The following PTPRG variants were observed in gnomAD, a reference collection of about 807,000 sequenced individuals.
PTPRG encodes receptor-type tyrosine-protein phosphatase gamma.
In PTPRG, 102 loss-of-function variants were observed where a neutral mutation model predicts 165.3. The ratio of observed to expected loss-of-function variants is 0.62; its 90% CI spans 0.53 to 0.73. The LOEUF (loss-of-function observed/expected upper bound fraction) is 0.73, where lower values mean the gene tolerates loss of function less well. PTPRG is among the 30% of genes least tolerant of loss of function. PTPRG has a pLI of 0.00. For missense variants in PTPRG, 1,866 were observed against 1,861.4 expected (o/e 1.00, Z -0.05); for synonymous variants, 675 against 669.5 (o/e 1.01, Z -0.13).
At chr3:61,890,414 T>TTTTTG (rs2038179027) in intron 2 of PTPRG, among the ~76,000 whole-genome samples, 2 of 79,792 alleles carry the variant, frequency 2.5e-5, no homozygotes, top group Non-Finnish European at 5.2e-5. Context: ...TGTTCTTTGT[T>TTTTTG]TTTTTTTTGT....
At chr3:61,672,178 C>T (rs1301561855) in intron 1 of PTPRG, among the ~76,000 whole-genome samples, 6 of 140,214 alleles carry the variant, frequency 4.3e-5, no homozygotes, top group African/African-American at 1.3e-4. Flanking sequence ...CGGGAAGAGG[C>T]GCTCCTCACT....
chr3:62,055,403 A>G (rs1700600677), intron 4 of PTPRG, among the ~76,000 whole-genome samples: 1 of 152,234 alleles, frequency 6.6e-6, no homozygotes, highest in African/African-American at 2.4e-5. Context: ...TGAGCTTGTA[A>G]CACGGACTAG....
At chr3:61,699,106 CACATGTAT>C (rs2030793920) in intron 1 of PTPRG, among the ~76,000 whole-genome samples, 1 of 151,960 alleles carries the variant, frequency 6.6e-6, no homozygotes, top group Non-Finnish European at 1.5e-5. Flanking sequence ...AGCAACATGG[CACATGTAT>C]ACATATGTAA....
intron 2 of PTPRG, among the ~76,000 whole-genome samples, chr3:61,790,288 C>A (rs563707914): frequency 6.6e-6 from 1 of 152,172 alleles, no homozygotes; most frequent in Non-Finnish European, 1.5e-5. Flanking sequence ...CGAGTTGTTG[C>A]CTTCTCTTCT....
intron 16 of PTPRG, 103 bp from the exon 17 acceptor site, chr3:62,262,695 G>T: frequency 3.2e-6 from 2 of 618,828 alleles, no homozygotes; most frequent in South Asian, 6.9e-5. Context: ...GAAGGTAACG[G>T]TGGCTGTGGC....
rs542823449 is a variant in PTPRG, at chr3:62,252,181, T to C, written c.2468-2943T>C. Among the ~76,000 whole-genome samples the C allele has an allele frequency of 1.4e-4, 22 of 152,324 alleles. No individual in the cohort carries two copies. Among genetic ancestry groups the C allele is most frequent in the African/African-American group, 5.3e-4 (22 of 41,580 alleles). On this transcript the variant is annotated intron_variant, in intron 15 of 29. Coordinates refer to ENST00000474889, the MANE Select transcript of PTPRG (RefSeq NM_002841.4). This position sits in a 1 kb window ranked among gnomAD's most constrained non-coding sequence, Gnocchi z 4.6. ...AAATCCATCCTTTTAATGGCACTTG[T>C]AGTCTTTATCACATAATTACACTGT...
At position 61,964,143 on chromosome 3, in the gene PTPRG, A is replaced by G. The variant is rs1446803512; in HGVS notation, c.191-25482A>G. 4.6e-5 allele frequency among the ~76,000 whole-genome samples: 7 copies of G among 152,358 alleles called. No homozygotes were observed. The South Asian group carries it at 1.4e-3, about 32-fold the overall frequency. ...GAATTTGCTTCAGAAGGTATAGAGCACAATGGTTAATGTGTTATCTTTTCA... is the reference window on the plus strand; with the variant it reads ...GAATTTGCTTCAGAAGGTATAGAGCGCAATGGTTAATGTGTTATCTTTTCA... On this transcript the variant is annotated intron_variant, in intron 2 of 29. Coordinates refer to ENST00000474889, the MANE Select transcript of PTPRG (RefSeq NM_002841.4).
chr3:61,773,362 C>T (rs890157602), intron 2 of PTPRG, among the ~76,000 whole-genome samples: 16 of 152,162 alleles, frequency 1.1e-4, no homozygotes, highest in South Asian at 1.0e-3. Context: ...GAAAGATAAA[C>T]GCCTAACTAC....
chr3:62,144,923 T>C (rs1480100885), intron 6 of PTPRG, among the ~76,000 whole-genome samples: 1 of 152,124 alleles, frequency 6.6e-6, no homozygotes, highest in Non-Finnish European at 1.5e-5. Flanking sequence ...CTGCCTTGTT[T>C]GTCAATATTT....
intron 17 of PTPRG, among the ~76,000 whole-genome samples, chr3:62,265,896 T>TATATACACACACACAC (rs1553662684): frequency 1.3e-3 from 167 of 130,604 alleles, no homozygotes; most frequent in African/African-American, 3.1e-3. Context: ...GTGCCTTATA[T>TATATACACACACACAC]ACACACACAC....
chr3:61,962,002 T>C (rs886985617), intron 2 of PTPRG, among the ~76,000 whole-genome samples: 2 of 152,178 alleles, frequency 1.3e-5, no homozygotes, highest in Non-Finnish European at 2.9e-5. Flanking sequence ...TACACTGAGT[T>C]AAATTGCCTC....
chr3:62,095,404 A>T (rs112208052), intron 5 of PTPRG, among the ~76,000 whole-genome samples: 3 of 152,174 alleles, frequency 2.0e-5, no homozygotes, highest in African/African-American at 7.2e-5. Context: ...TAGAGGTTAC[A>T]CCAGTAGAGG....
chr3:61,862,421 G>T (rs899948473), intron 2 of PTPRG, among the ~76,000 whole-genome samples: 11 of 129,620 alleles, frequency 8.5e-5, no homozygotes, highest in Non-Finnish European at 1.6e-4. Flanking sequence ...CGCTGTTGTT[G>T]CCCAGGCTGG....
chr3:62,152,287 G>A (rs987490073), intron 6 of PTPRG, among the ~76,000 whole-genome samples: 48 of 151,994 alleles, frequency 3.2e-4, no homozygotes, highest in South Asian at 2.1e-4. Flanking sequence ...GGGGAGGATT[G>A]CTTGAGCCCA....
intron 2 of PTPRG, among the ~76,000 whole-genome samples, chr3:61,963,823 C>T (rs9876910): frequency 0.24 from 36,620 of 151,176 alleles, 4,979 homozygotes; most frequent in African/African-American, 0.36. Context: ...TTAACCTAAA[C>T]AATGGAAATA....
intron 1 of PTPRG, among the ~76,000 whole-genome samples, chr3:61,743,730 G>A (rs920748147): frequency 6.6e-6 from 1 of 152,166 alleles, no homozygotes; most frequent in South Asian, 2.1e-4. Context: ...GTAACACTTG[G>A]TAGAATATAT....
chr3:61,691,376 C>T (rs1446951049), intron 1 of PTPRG, among the ~76,000 whole-genome samples: 1 of 152,166 alleles, frequency 6.6e-6, no homozygotes, highest in Admixed American at 6.5e-5. Flanking sequence ...CACTGCACTC[C>T]AGCCTGGGAG....
rs2148909677 is a variant in PTPRG, at chr3:62,295,320, A to C, written c.*2013A>C. 6.6e-6 allele frequency: 1 copy of C among 152,066 alleles called. No homozygotes were observed. Among genetic ancestry groups the C allele is most frequent in the East Asian group, 1.9e-4 (1 of 5,192 alleles). The allele number at this position is 152,066 out of a possible 1,614,324, so 9.4% of individuals were successfully genotyped here. A position where few individuals can be genotyped will look rare whatever the true frequency, so the allele number is the denominator to read the frequency against. ...AAGCAATGAGCTAGACTCTTTTTTT[A>C]GTCAATTAAGTGGGTTGTTTTAGAT... On this transcript the variant is annotated 3_prime_UTR_variant, in exon 30 of 30. Coordinates refer to ENST00000474889, the MANE Select transcript of PTPRG (RefSeq NM_002841.4).
chr3:62,110,318 T>C (rs1412087566), intron 5 of PTPRG, among the ~76,000 whole-genome samples: 2 of 152,128 alleles, frequency 1.3e-5, no homozygotes, highest in Non-Finnish European at 2.9e-5. Context: ...AACTACCAAC[T>C]TGTGACCAAC....
Sources: allele counts gnomAD v4.1 joint callset (sites outside exome capture counted in the v4.1 genomes callset), GRCh38; gene constraint gnomAD v4.1.1; non-coding constraint Gnocchi (gnomAD v3.1); transcripts MANE v1.5; gene names NCBI Gene and HGNC (gene_info 2026-07-23, HGNC 2026-07-21).